The following NEBL variants were observed in gnomAD, a reference collection of about 807,000 sequenced individuals.
NEBL encodes the protein nebulette, also known as LIM and SH3 protein 2.
A neutral mutation model predicts 140.2 loss-of-function variants in NEBL; 122 were observed. The observed-to-expected ratio is 0.87, with a 90% CI of 0.75 to 1.01. NEBL has a LOEUF of 1.01. NEBL is among the 50% of genes least tolerant of loss of function. The pLI, the probability that NEBL is intolerant of heterozygous loss-of-function variation, is 0.00. For synonymous variants in NEBL, 436 were observed against 398.9 expected (o/e 1.09, Z -1.11); for missense variants, 1,365 against 1,231.3 (o/e 1.11, Z -1.62).
At chr10:20,977,260 A>C (rs1836842486) in intron 3 of NEBL, among the ~76,000 whole-genome samples, 1 of 149,816 alleles carries the variant, frequency 6.7e-6, no homozygotes, top group African/African-American at 2.5e-5. Context: ...TACTGACCTA[A>C]AGTTAAAAGA....
intron 3 of NEBL, among the ~76,000 whole-genome samples, chr10:21,240,033 A>T (rs1328480980): frequency 6.6e-6 from 1 of 151,882 alleles, no homozygotes; most frequent in East Asian, 1.9e-4. Context: ...AAAAAAATGC[A>T]GTAAACGGTA....
At chr10:20,852,973 G>A (rs1417597146) in intron 9 of NEBL, among the ~76,000 whole-genome samples, 1 of 152,140 alleles carries the variant, frequency 6.6e-6, no homozygotes, top group African/African-American at 2.4e-5. Flanking sequence ...AGGTAAAGTG[G>A]GGAAAAATAA....
At chr10:20,902,100 T>C (rs146440722), upstream of NEBL, among the ~76,000 whole-genome samples, 782 of 152,206 alleles carry the variant, frequency 5.1e-3, 6 homozygotes, top group African/African-American at 0.018. Context: ...TGACCAAGTA[T>C]GCTATTAAGA....
At chr10:20,935,913 T>C (rs982975918) in intron 4 of NEBL, among the ~76,000 whole-genome samples, 3 of 152,098 alleles carry the variant, frequency 2.0e-5, no homozygotes, top group Admixed American at 6.6e-5. Flanking sequence ...CAGAAAAAAA[T>C]TGCAGCACTA....
chr10:21,049,609 C>A (rs976526248), intron 2 of NEBL, among the ~76,000 whole-genome samples: 3 of 151,680 alleles, frequency 2.0e-5, no homozygotes, highest in Admixed American at 1.3e-4. Context: ...TCAAATGCCA[C>A]AATCTTCAAA....
Position 21,108,947 on chromosome 10 carries a change from G to C in NEBL, c.164+63436C>G, listed in dbSNP as rs58854201. ...TGTACAATCATGTCATCTGCAAACA[G>C]AGACAATTTGACTTCCTCTCTTCCT... On this transcript the variant is annotated intron_variant, in intron 2 of 6. Transcript: ENST00000417816. Among the ~76,000 whole-genome samples the C allele has an allele frequency of 3.8e-3, 573 of 152,286 alleles. 4 individuals are homozygous for C. The highest frequency in any genetic ancestry group is 0.013 in the African/African-American group (545 of 41,550).
At chr10:21,062,082 G>A (rs928335256) in intron 2 of NEBL, among the ~76,000 whole-genome samples, 3 of 152,192 alleles carry the variant, frequency 2.0e-5, no homozygotes, top group Admixed American at 6.5e-5. Context: ...GATTCTAGTC[G>A]TGTTCTGTGT....
At chr10:21,053,675 G>T (rs1037691764) in intron 2 of NEBL, among the ~76,000 whole-genome samples, 22 of 152,212 alleles carry the variant, frequency 1.4e-4, no homozygotes, top group African/African-American at 5.3e-4. Flanking sequence ...TTAAGGTATG[G>T]CCTGAAACTT....
intron 24 of NEBL, 51 bp from the exon 25 acceptor site, chr10:20,809,949 G>GGAAA (rs1837972573): frequency 1.7e-6 from 1 of 586,466 alleles, no homozygotes; most frequent in Middle Eastern, 4.1e-4. Flanking sequence ...ATTTAAAAAA[G>GGAAA]GAAAAAAAAA....
chr10:20,812,793 C>A lies in NEBL; in HGVS notation c.2494G>T (p.Asp832Tyr). 1.2e-6 allele frequency: 2 copies of A among 1,614,000 alleles called. No homozygotes were observed. Among genetic ancestry groups the A allele is most frequent in the Non-Finnish European group, 1.7e-6 (2 of 1,179,918 alleles). Residue 832 changes from aspartate (D) to tyrosine (Y), a missense_variant, in exon 24 of 28, where the codon GAC becomes TAC. This residue lies in a region of NEBL where 1,323 missense variants were observed against 1,154.8 expected (regional missense o/e 1.15). Coordinates refer to ENST00000377122, the MANE Select transcript of NEBL (RefSeq NM_006393.3). The stretch of plus-strand genomic sequence containing the variant: ...CCAACAATGATTCCAGGTCTCCTGT[C>A]CATCTCCACGATGTGAGGGTGGACC... ...KGVHPHIVEM[D>Y]RRPGIIVDLK...
At chr10:21,141,403 T>C (rs369578766) in intron 2 of NEBL, among the ~76,000 whole-genome samples, 2 of 152,032 alleles carry the variant, frequency 1.3e-5, no homozygotes, top group African/African-American at 4.8e-5. Context: ...GAGAAAAAAA[T>C]AGCATATAGA....
intron 2 of NEBL, among the ~76,000 whole-genome samples, chr10:21,105,572 A>T (rs1837677997): frequency 6.6e-6 from 1 of 152,150 alleles, no homozygotes; most frequent in African/African-American, 2.4e-5. Flanking sequence ...ACATTTTCTT[A>T]ATCCAGTCTA....
chr10:20,924,067 T>A (rs183357433), intron 4 of NEBL, among the ~76,000 whole-genome samples: 14 of 152,224 alleles, frequency 9.2e-5, no homozygotes, highest in African/African-American at 2.9e-4. Flanking sequence ...ATACAGCAAT[T>A]CTTGGACAAT....
chr10:21,192,555 C>G (rs367604411), intron 3 of NEBL, among the ~76,000 whole-genome samples: 4 of 150,444 alleles, frequency 2.7e-5, no homozygotes, highest in Non-Finnish European at 4.4e-5. Context: ...TAAGAGGGTA[C>G]AATTTCTGGC....
intron 4 of NEBL, among the ~76,000 whole-genome samples, chr10:20,922,620 C>G (rs1050237639): frequency 6.6e-6 from 1 of 152,204 alleles, no homozygotes; most frequent in African/African-American, 2.4e-5. Flanking sequence ...CTACAAACTG[C>G]CTTGGCAGCT....
In NEBL at chr10:21,035,553, A is replaced by G. The variant is rs137948799; in HGVS notation, c.165-15352T>C. The stretch of plus-strand genomic sequence containing the variant: ...ATATACTTATTCCTGGCCATCGATT[A>G]TATAATTAAACTAAAACTCAATAGG... On this transcript the variant is annotated intron_variant, in intron 2 of 6. Coordinates refer to the NEBL transcript ENST00000417816. Among the ~76,000 whole-genome samples the G allele has an allele frequency of 7.2e-5, 11 of 152,262 alleles. No homozygotes were observed. The East Asian group carries it at 2.1e-3, about 29-fold the overall frequency.
rs555615973 is a variant in NEBL at position 21,117,323 on chromosome 10, G to A, written c.164+55060C>T. ...CTCCTGCATCTTTCTCTAGCCTCAG[G>A]AGTTTCCTCACTGAAAACTCAGCAG... On this transcript the variant is annotated intron_variant, in intron 2 of 6. Transcript: ENST00000417816. 1.9e-4 allele frequency among the ~76,000 whole-genome samples: 29 copies of A among 151,946 alleles called. 1 individual carries two copies. The South Asian group carries it at 5.6e-3, about 29-fold the overall frequency.
rs566903513 is a variant in NEBL, at chr10:20,993,092, A to G, written c.249+27025T>C. On this transcript the variant is annotated intron_variant, in intron 3 of 6. Coordinates refer to the NEBL transcript ENST00000417816. ...GCCACCGCGCCTGGCCTGCAACTAC[A>G]AAGTCTTTTAGGGAGTTTTTCAAAG... Among the ~76,000 whole-genome samples the G allele has an allele frequency of 2.4e-4, 36 of 152,170 alleles. 1 individual carries two copies. Among genetic ancestry groups the G allele is most frequent in the African/African-American group, 7.7e-4 (32 of 41,500 alleles).
chr10:21,227,165 T>A (rs1842163033), intron 3 of NEBL, among the ~76,000 whole-genome samples: 2 of 152,176 alleles, frequency 1.3e-5, no homozygotes, highest in South Asian at 4.1e-4. Context: ...ATCTGTGAAC[T>A]TAAAAACCCA....
Sources: gnomAD v4.1 joint callset for allele counts (sites outside exome capture counted in the v4.1 genomes callset) on GRCh38, gnomAD v4.1.1 for gene constraint, gnomAD v4.1.1 regional missense constraint, MANE v1.5 for transcripts, NCBI Gene and HGNC (gene_info 2026-07-23, HGNC 2026-07-21) for gene names.